Variants in SCAPER observed in about 807,000 individuals in gnomAD.
The protein encoded by SCAPER is S phase cyclin A-associated protein in the endoplasmic reticulum.
SCAPER carries 98 observed loss-of-function variants against 182.2 expected under a neutral mutation model. The observed-to-expected ratio is 0.54, with a 90% CI of 0.46 to 0.64. The LOEUF is 0.64. Among genes scored for constraint, SCAPER ranks in the 30% least tolerant of loss-of-function variants. SCAPER has a pLI of 0.00. For synonymous variants in SCAPER, 605 were observed against 564.6 expected (o/e 1.07, Z -1.01); for missense variants, 1,432 against 1,690.0 (o/e 0.85, Z 2.68).
chr15:76,436,545 A>G (rs1470387773), intron 25 of SCAPER, among the ~76,000 whole-genome samples: 1 of 151,260 alleles, frequency 6.6e-6, no homozygotes, highest in Non-Finnish European at 1.5e-5. Context: ...TTGGCTTTCT[A>G]TATGTTTTGG....
chr15:76,733,972 A>G (rs1031215012), intron 15 of SCAPER, among the ~76,000 whole-genome samples: 2 of 152,334 alleles, frequency 1.3e-5, no homozygotes, highest in South Asian at 4.1e-4. Context: ...TTAAGTGAAG[A>G]AACAATTTTA....
chr15:76,602,325 A>C (rs1287743765), intron 22 of SCAPER, among the ~76,000 whole-genome samples: 1 of 121,096 alleles, frequency 8.3e-6, no homozygotes, highest in Admixed American at 9.5e-5. Context: ...CAATTCCCTC[A>C]ATTTAGTTTA....
chr15:76,651,359 A>G (rs2055020526), intron 21 of SCAPER, among the ~76,000 whole-genome samples: 1 of 152,196 alleles, frequency 6.6e-6, no homozygotes, highest in African/African-American at 2.4e-5. Context: ...ATTTTCTTCA[A>G]TGCAAGCACA....
chr15:76,858,444 A>G (rs1325709659), intron 3 of SCAPER, among the ~76,000 whole-genome samples: 6 of 152,232 alleles, frequency 3.9e-5, no homozygotes, highest in African/African-American at 1.4e-4. Flanking sequence ...ACAGCAATTC[A>G]AAACAGAAAT....
At chr15:76,773,837 G>C (rs2063598826) in intron 9 of SCAPER, among the ~76,000 whole-genome samples, 1 of 151,590 alleles carries the variant, frequency 6.6e-6, no homozygotes, top group African/African-American at 2.4e-5. Flanking sequence ...TTTTACAACT[G>C]ATCTATTTAG....
At chr15:76,523,082 C>T (rs921904921) in intron 23 of SCAPER, among the ~76,000 whole-genome samples, 1 of 151,956 alleles carries the variant, frequency 6.6e-6, no homozygotes, top group Non-Finnish European at 1.5e-5. Flanking sequence ...GTCAGCTTAA[C>T]TCTCATGAAG....
intron 21 of SCAPER, among the ~76,000 whole-genome samples, chr15:76,624,467 T>C (rs1005683588): frequency 2.6e-5 from 4 of 152,234 alleles, no homozygotes; most frequent in East Asian, 1.9e-4. Context: ...ATCATTAAAA[T>C]GGCTGCCCAA....
At chr15:76,881,090 T>C (rs923537592) in intron 2 of SCAPER, among the ~76,000 whole-genome samples, 1 of 152,176 alleles carries the variant, frequency 6.6e-6, no homozygotes, top group Non-Finnish European at 1.5e-5. Flanking sequence ...TTCTTTACTA[T>C]TTTATTTATT....
intron 24 of SCAPER, among the ~76,000 whole-genome samples, chr15:76,474,738 T>G (rs983460472): frequency 1.6e-4 from 24 of 152,184 alleles, no homozygotes; most frequent in African/African-American, 5.8e-4. Context: ...TTATTCTTAA[T>G]GAATAAGGTA....
intron 21 of SCAPER, among the ~76,000 whole-genome samples, chr15:76,642,963 C>T (rs1432768033): frequency 6.6e-6 from 1 of 152,086 alleles, no homozygotes; most frequent in African/African-American, 2.4e-5. Flanking sequence ...AAATAGGTTT[C>T]AATTAAAAAA....
At chr15:76,835,616 T>TC (rs2068863307) in intron 5 of SCAPER, among the ~76,000 whole-genome samples, 1 of 152,064 alleles carries the variant, frequency 6.6e-6, no homozygotes. Flanking sequence ...CTGAAACTAT[T>TC]CCCCTTGAAA....
intron 18 of SCAPER, among the ~76,000 whole-genome samples, chr15:76,704,356 G>T (rs927193299): frequency 2.3e-4 from 35 of 152,136 alleles, no homozygotes; most frequent in Non-Finnish European, 3.2e-4. Flanking sequence ...TTTGGCTTTT[G>T]TGGCCATTGC....
chr15:76,566,180 CA>C (rs1455349880), intron 23 of SCAPER, among the ~76,000 whole-genome samples: 1 of 151,956 alleles, frequency 6.6e-6, no homozygotes, highest in Non-Finnish European at 1.5e-5. Context: ...CAACAGTTGG[CA>C]AAAAGAGGAA....
chr15:76,356,087 GA>G (rs1199954738), intron 29 of SCAPER, among the ~76,000 whole-genome samples: 1 of 152,196 alleles, frequency 6.6e-6, no homozygotes, highest in Non-Finnish European at 1.5e-5. Context: ...TTATGAGCCA[GA>G]ATGGGACATC....
intron 5 of SCAPER, among the ~76,000 whole-genome samples, chr15:76,840,809 C>A (rs1328901370): frequency 6.6e-6 from 1 of 152,074 alleles, no homozygotes; most frequent in Non-Finnish European, 1.5e-5. Context: ...AAAGGCCAGG[C>A]TTTTTAGATA....
intron 22 of SCAPER, among the ~76,000 whole-genome samples, chr15:76,621,345 C>T (rs149261393): frequency 1.2e-4 from 18 of 152,254 alleles, no homozygotes; most frequent in East Asian, 7.7e-4. Flanking sequence ...ATTCTCTTTA[C>T]GGACTGGCCC....
At chr15:76,891,964 T>C (rs1194433354) in intron 1 of SCAPER, among the ~76,000 whole-genome samples, 1 of 152,186 alleles carries the variant, frequency 6.6e-6, no homozygotes, top group Admixed American at 6.5e-5. Flanking sequence ...AGCACGGTAC[T>C]GGTACCAAAA....
intron 22 of SCAPER, among the ~76,000 whole-genome samples, chr15:76,598,189 A>T (rs2049648223): frequency 8.2e-6 from 1 of 121,802 alleles, no homozygotes; most frequent in Non-Finnish European, 2.0e-5. Context: ...CGGCCAACAA[A>T]CATGAAAAAA....
At chr15:76,426,296 G>A (rs1027183394) in intron 26 of SCAPER, among the ~76,000 whole-genome samples, 1 of 152,206 alleles carries the variant, frequency 6.6e-6, no homozygotes, top group African/African-American at 2.4e-5. Flanking sequence ...ACCTACTCAA[G>A]CCTCAGCAAT....
Sources: gnomAD v4.1 joint callset for allele counts (sites outside exome capture counted in the v4.1 genomes callset) on GRCh38, gnomAD v4.1.1 for gene constraint, MANE v1.5 for transcripts, NCBI Gene and HGNC (gene_info 2026-07-23, HGNC 2026-07-21) for gene names.